The following NCOA3 variants were observed in gnomAD, a reference collection of about 807,000 sequenced individuals.
NCOA3 encodes CBP-interacting protein.
In NCOA3, 51 loss-of-function variants were observed where a neutral mutation model predicts 158.8. The observed-to-expected ratio is 0.32, with a 90% confidence interval of 0.26 to 0.41. The LOEUF is 0.41. Among genes scored for constraint, NCOA3 ranks in the 10% least tolerant of loss-of-function variants. The probability of loss-of-function intolerance (pLI) is 1.00; values close to 1 mark genes in which losing one functional copy is unlikely to be tolerated. For missense variants in NCOA3, 1,510 were observed against 1,746.6 expected (o/e 0.86, Z 2.41); for synonymous variants, 537 against 592.4 (o/e 0.91, Z 1.36).
At chr20:47,529,110 A>G (rs552454725) in intron 1 of NCOA3, among the ~76,000 whole-genome samples, 5 of 145,868 alleles carry the variant, frequency 3.4e-5, no homozygotes, top group Non-Finnish European at 7.6e-5. Flanking sequence ...AACTCAATTT[A>G]TTTATTTATT....
At chr20:47,576,940 CG>C (rs1159550059) in intron 1 of NCOA3, among the ~76,000 whole-genome samples, 1 of 152,154 alleles carries the variant, frequency 6.6e-6, no homozygotes, top group Non-Finnish European at 1.5e-5. Context: ...GCAGAACAAG[CG>C]CAAGCAAGCG....
At chr20:47,619,199 T>C (rs762430285) in intron 2 of NCOA3, among the ~76,000 whole-genome samples, 45 of 152,232 alleles carry the variant, frequency 3.0e-4, no homozygotes, top group Non-Finnish European at 5.9e-4. Flanking sequence ...GGAAATAATA[T>C]TGAGAATATA....
chr20:47,567,882 T>C (rs917495644), intron 1 of NCOA3, among the ~76,000 whole-genome samples: 4 of 152,050 alleles, frequency 2.6e-5, no homozygotes, highest in African/African-American at 9.7e-5. Flanking sequence ...ATTATTTTAC[T>C]TTCTTTTTGT....
At chr20:47,648,186 T>C (rs984842441) in intron 18 of NCOA3, among the ~76,000 whole-genome samples, 2 of 152,126 alleles carry the variant, frequency 1.3e-5, no homozygotes, top group African/African-American at 4.8e-5. Context: ...ATTACAGGTG[T>C]GAGCCACCGT....
rs776357322 is a variant in NCOA3 at position 47,635,748 on chromosome 20, T to C, written c.1504+35T>C. On this transcript the variant is annotated intron_variant, in intron 11 of 22. Coordinates refer to ENST00000371998, the MANE Select transcript of NCOA3 (RefSeq NM_181659.3). The stretch of plus-strand genomic sequence containing the variant: ...TTGACATTTCCTTTTATTTTTTTTC[T>C]TTTTAAGTAATTATTCTTTCCATAC... 8.3e-6 allele frequency: 13 copies of C among 1,563,098 alleles called. No homozygotes were observed. The African/African-American group carries it at 1.7e-4, about 20-fold the overall frequency.
In NCOA3 at chr20:47,653,524, C is replaced by T. The variant is rs1789563133; in HGVS notation, c.*107C>T. 10 of 1,290,742 alleles carry T rather than the reference C, an allele frequency of 7.7e-6. No individual in the cohort carries two copies. The highest frequency in any genetic ancestry group is 8.8e-6 in the Non-Finnish European group (8 of 908,288). 80.0% of individuals were successfully genotyped at this position (1,290,742 alleles called of 1,614,324 possible). The stretch of plus-strand genomic sequence containing the variant: ...AGGCATCCATCTTGGAAGAAAGGAC[C>T]AGCTTTGAGCTCCATCAAGGGTATT... On this transcript the variant is annotated 3_prime_UTR_variant, in exon 23 of 23. Transcript: ENST00000371998.
intron 1 of NCOA3, among the ~76,000 whole-genome samples, chr20:47,568,920 T>C (rs1201043613): frequency 6.6e-6 from 1 of 152,126 alleles, no homozygotes; most frequent in African/African-American, 2.4e-5. Flanking sequence ...GGGTGGTGGT[T>C]AATGAAGGCT....
intron 9 of NCOA3, 44 bp downstream of exon 9, chr20:47,633,680 A>G: frequency 6.3e-7 from 1 of 1,586,724 alleles, no homozygotes. Context: ...TTTATTCTTT[A>G]GAGACAGGGC....
At chr20:47,637,605 T>G in intron 12 of NCOA3, 43 bp from the exon 13 acceptor site, 1 of 1,502,912 alleles carries the variant, frequency 6.7e-7, no homozygotes, top group Non-Finnish European at 9.0e-7. Context: ...TACCTGTGTG[T>G]CTGGTAATGT....
At position 47,637,798 on chromosome 20, in the gene NCOA3, G is replaced by A. The variant is rs7509615; in HGVS notation, c.2512+15G>A. ...TAATTCTCTGGGTAAGAATGAACTA[G>A]GTTTTTTTTTTTTTTGCTGCCTTTG... On this transcript the variant is annotated intron_variant, in intron 13 of 22. Transcript: ENST00000371998. 3 of 1,561,628 alleles carry A rather than the reference G, an allele frequency of 1.9e-6. No homozygotes were observed. Among genetic ancestry groups the A allele is most frequent in the African/African-American group, 1.4e-5 (1 of 71,232 alleles).
chr20:47,530,377 AGAG>A (rs1231107616), intron 1 of NCOA3, among the ~76,000 whole-genome samples: 1 of 152,144 alleles, frequency 6.6e-6, no homozygotes, highest in East Asian at 1.9e-4. Flanking sequence ...GGATTTGTAT[AGAG>A]GAGAAAATTG....
intron 16 of NCOA3, among the ~76,000 whole-genome samples, chr20:47,640,805 G>A (rs368483997): frequency 2.0e-4 from 31 of 151,766 alleles, no homozygotes; most frequent in East Asian, 1.2e-3. Flanking sequence ...GGAGAATGGC[G>A]TGAACCCGGG....
chr20:47,540,348 TG>T (rs2084702384), intron 1 of NCOA3, among the ~76,000 whole-genome samples: 2 of 151,944 alleles, frequency 1.3e-5, no homozygotes, highest in African/African-American at 2.4e-5. Flanking sequence ...CCGATGAGGG[TG>T]GATCATCTGA....
chr20:47,502,057 G>A (rs912916974), intron 1 of NCOA3, 38 bp downstream of exon 1: 2 of 399,380 alleles, frequency 5.0e-6, no homozygotes, highest in Non-Finnish European at 8.8e-6. Context: ...GGCGGGCGAG[G>A]GGGTGGAGTG....
At chr20:47,532,260 G>C (rs1186490011) in intron 1 of NCOA3, among the ~76,000 whole-genome samples, 1 of 151,954 alleles carries the variant, frequency 6.6e-6, no homozygotes, top group Non-Finnish European at 1.5e-5. Flanking sequence ...GGGATGGGGA[G>C]CTTTCTGTTT....
At chr20:47,584,829 G>A (rs947693239) in intron 2 of NCOA3, among the ~76,000 whole-genome samples, 1 of 152,026 alleles carries the variant, frequency 6.6e-6, no homozygotes, top group Non-Finnish European at 1.5e-5. Flanking sequence ...TGTTGTACAA[G>A]GGGTTATGGT....
At chr20:47,571,010 AT>A (rs796576962) in intron 1 of NCOA3, among the ~76,000 whole-genome samples, 1,005 of 84,676 alleles carry the variant, frequency 0.012, 5 homozygotes, top group Non-Finnish European at 0.02. Context: ...GTGTATATAC[AT>A]TTTTTTTTTC....
chr20:47,558,185 A>T (rs1228439849), intron 1 of NCOA3, among the ~76,000 whole-genome samples: 1 of 140,936 alleles, frequency 7.1e-6, no homozygotes, highest in African/African-American at 2.7e-5. Flanking sequence ...CAGCCTCCCG[A>T]GTAGCTAGGA....
rs2084854806 is a variant in NCOA3 at position 47,547,660 on chromosome 20, C to G, written c.-98-35523C>G. ...GTCTCGATCTCCTGACCTCGTGATC[C>G]ACCCGCCTCGGCCTCCCAAAGTGCT... On this transcript the variant is annotated intron_variant, in intron 1 of 22. Transcript: ENST00000371998. 3.3e-5 allele frequency among the ~76,000 whole-genome samples: 5 copies of G among 151,768 alleles called. No homozygotes were observed. The South Asian group carries it at 1.0e-3, about 32-fold the overall frequency.
Sources: gnomAD v4.1 joint callset for allele counts (sites outside exome capture counted in the v4.1 genomes callset) on GRCh38, gnomAD v4.1.1 for gene constraint, MANE v1.5 for transcripts, NCBI Gene and HGNC (gene_info 2026-07-23, HGNC 2026-07-21) for gene names.